Variants in KRABD3 observed in about 807,000 individuals in gnomAD.
KRABD3 encodes KRAB domain containing 3, also known as KRAB domain-containing protein 3.
At chr7:149,730,536 C>T in the KRABD3 span, 17 of 1,612,004 alleles carry the variant, frequency 1.1e-5, no homozygotes, top group Non-Finnish European at 1.4e-5. Flanking sequence ...CCCAGGAGAA[C>T]AGAGCCCAGG....
At chr7:149,728,274 C>T in the KRABD3 span, among the ~76,000 whole-genome samples, 1 of 152,230 alleles carries the variant, frequency 6.6e-6, no homozygotes, top group African/African-American at 2.4e-5. Context: ...GACTAGAGCC[C>T]ACACCTGTGG....
At chr7:149,731,798 T>A in the KRABD3 span, 2 of 1,567,272 alleles carry the variant, frequency 1.3e-6, no homozygotes, top group East Asian at 4.6e-5. Context: ...GCTTCCCCCA[T>A]TCCCTCTGCA....
the KRABD3 span, among the ~76,000 whole-genome samples, chr7:149,723,153 A>C: frequency 1.3e-5 from 2 of 152,226 alleles, no homozygotes; most frequent in East Asian, 3.9e-4. Context: ...ACTCGGAAGC[A>C]GGCTTTGCCC....
chr7:149,732,616 T>TA, the KRABD3 span, among the ~76,000 whole-genome samples: 1 of 148,752 alleles, frequency 6.7e-6, no homozygotes, highest in African/African-American at 2.5e-5. The surrounding 1 kb of genome is among the most constrained non-coding windows in gnomAD (Gnocchi z 4.0). Flanking sequence ...TGATCTTTTT[T>TA]TAAAAAAAAC....
chr7:149,733,742 T>A, the KRABD3 span: 4 of 1,585,594 alleles, frequency 2.5e-6, no homozygotes, highest in East Asian at 7.0e-5. Flanking sequence ...CCACTGCAGC[T>A]CTTCCCAGCA....
the KRABD3 span, among the ~76,000 whole-genome samples, chr7:149,732,451 C>T: frequency 6.6e-6 from 1 of 152,268 alleles, no homozygotes; most frequent in Admixed American, 6.5e-5. The surrounding 1 kb of genome is among the most constrained non-coding windows in gnomAD (Gnocchi z 4.0). Context: ...CAGGGCAGAG[C>T]CACAGCTGGG....
At chr7:149,728,577 T>C in the KRABD3 span, 1 of 1,613,812 alleles carries the variant, frequency 6.2e-7, no homozygotes, top group Non-Finnish European at 8.5e-7. Context: ...CTCAAGGAGA[T>C]ACCTGTGCCT....
chr7:149,730,638 T>C, the KRABD3 span: 296,398 of 1,539,838 alleles, frequency 0.19, 30,226 homozygotes, highest in Middle Eastern at 0.36. Context: ...ACTGGATCCT[T>C]TGAGTCCTGC....
the KRABD3 span, chr7:149,719,577 G>A: frequency 8.1e-6 from 13 of 1,604,966 alleles, no homozygotes; most frequent in Middle Eastern, 1.7e-4. This position sits in a 1 kb window ranked among gnomAD's most constrained non-coding sequence, Gnocchi z 5.6. Flanking sequence ...TTGGCCGTGC[G>A]GTTCTCGGAG....
chr7:149,717,752 A>G, the KRABD3 span, among the ~76,000 whole-genome samples: 2 of 152,192 alleles, frequency 1.3e-5, no homozygotes, highest in Admixed American at 1.3e-4. Flanking sequence ...GGGACAAGTT[A>G]TCAGCTGTTC....
At chr7:149,716,183 A>C in the KRABD3 span, among the ~76,000 whole-genome samples, 1 of 152,124 alleles carries the variant, frequency 6.6e-6, no homozygotes, top group African/African-American at 2.4e-5. Flanking sequence ...GCCCACTGGG[A>C]GAGCAGGTCT....
At chr7:149,724,922 C>G in the KRABD3 span, 1 of 1,294,216 alleles carries the variant, frequency 7.7e-7, no homozygotes, top group South Asian at 1.6e-5. Flanking sequence ...TTCCACTAAC[C>G]CCAGGGAAGC....
the KRABD3 span, chr7:149,730,209 G>A: frequency 8.9e-6 from 14 of 1,575,120 alleles, no homozygotes; most frequent in Non-Finnish European, 1.1e-5. Context: ...GATCTTGCCT[G>A]TAAGGCCCTT....
chr7:149,731,616 T>C, the KRABD3 span: 2 of 1,278,220 alleles, frequency 1.6e-6, no homozygotes, highest in Non-Finnish European at 1.1e-6. Flanking sequence ...TATGTCAGAA[T>C]GGCTCTGGCC....
the KRABD3 span, among the ~76,000 whole-genome samples, chr7:149,715,920 C>T: frequency 3.8e-4 from 58 of 152,298 alleles, no homozygotes; most frequent in Non-Finnish European, 6.9e-4. Flanking sequence ...CATCCTAAGG[C>T]CTCCTCATAC....
At chr7:149,718,541 T>C in the KRABD3 span, among the ~76,000 whole-genome samples, 1 of 123,828 alleles carries the variant, frequency 8.1e-6, no homozygotes, top group African/African-American at 3.0e-5. Flanking sequence ...TTTTTTGAGA[T>C]GGAGTCTCGC....
chr7:149,733,174 G>A, the KRABD3 span: 1 of 1,556,614 alleles, frequency 6.4e-7, no homozygotes, highest in South Asian at 1.2e-5. Context: ...TTACAAACCA[G>A]GAACTCTGAC....
At chr7:149,724,286 G>A in the KRABD3 span, among the ~76,000 whole-genome samples, 10 of 152,280 alleles carry the variant, frequency 6.6e-5, no homozygotes, top group Admixed American at 6.5e-5. Context: ...TACCCACCCA[G>A]CCCACACAGG....
the KRABD3 span, among the ~76,000 whole-genome samples, chr7:149,715,794 G>A: frequency 1.4e-4 from 21 of 152,322 alleles, no homozygotes; most frequent in Non-Finnish European, 4.4e-5. Context: ...TTGGGGAGAA[G>A]GGAGAGGCTA....
Sources: allele counts gnomAD v4.1 joint callset (sites outside exome capture counted in the v4.1 genomes callset), GRCh38; gene constraint gnomAD v4.1.1; non-coding constraint Gnocchi (gnomAD v3.1); transcripts MANE v1.5; gene names NCBI Gene and HGNC (gene_info 2026-07-23, HGNC 2026-07-21).